Variants in GRM8 observed in about 807,000 individuals in gnomAD.
The protein encoded by GRM8 is metabotropic glutamate receptor 8.
GRM8 carries 47 observed loss-of-function variants against 87.2 expected under a neutral mutation model. That is an observed-to-expected ratio of 0.54 (90% CI 0.43 to 0.69). GRM8 has a LOEUF of 0.69. GRM8 is among the 30% of genes least tolerant of loss of function. GRM8 has a pLI of 0.00. For synonymous variants in GRM8, 396 were observed against 404.5 expected (o/e 0.98, Z 0.25); for missense variants, 1,019 against 1,139.2 (o/e 0.89, Z 1.52).
chr7:126,557,744 T>C (rs1793301013), intron 8 of GRM8, among the ~76,000 whole-genome samples: 1 of 152,128 alleles, frequency 6.6e-6, no homozygotes, highest in African/African-American at 2.4e-5. Flanking sequence ...ACTGTAAAAA[T>C]AGAAATATGG....
chr7:127,030,771 A>AT (rs1216667302), intron 3 of GRM8, among the ~76,000 whole-genome samples: 1 of 152,112 alleles, frequency 6.6e-6, no homozygotes, highest in African/African-American at 2.4e-5. Context: ...TATTTAACCT[A>AT]TTTCGGCCAA....
At chr7:126,692,088 C>T (rs1268817700) in intron 7 of GRM8, among the ~76,000 whole-genome samples, 3 of 152,246 alleles carry the variant, frequency 2.0e-5, no homozygotes, top group South Asian at 2.1e-4. Context: ...AGAAAGAGAA[C>T]TGGAGGGGAA....
chr7:126,476,720 C>T (rs1419021920), intron 9 of GRM8, among the ~76,000 whole-genome samples: 2 of 151,882 alleles, frequency 1.3e-5, no homozygotes, highest in Non-Finnish European at 2.9e-5. Context: ...GTTAGATTGG[C>T]TATTATCCAA....
At chr7:126,787,552 T>C (rs1820749234) in intron 6 of GRM8, among the ~76,000 whole-genome samples, 1 of 152,136 alleles carries the variant, frequency 6.6e-6, no homozygotes, top group Non-Finnish European at 1.5e-5. Context: ...ATGTGAAAAA[T>C]ATTATTAAAT....
At chr7:127,141,894 A>G (rs996604745) in intron 2 of GRM8, among the ~76,000 whole-genome samples, 5 of 152,048 alleles carry the variant, frequency 3.3e-5, no homozygotes, top group African/African-American at 7.2e-5. Flanking sequence ...GCTTCACAAA[A>G]ATAGGACCCA....
chr7:127,196,247 G>A (rs904536722), intron 2 of GRM8, among the ~76,000 whole-genome samples: 14 of 152,208 alleles, frequency 9.2e-5, no homozygotes, highest in Admixed American at 7.9e-4. Flanking sequence ...GCTGGGCACA[G>A]TGGCTCATGC....
At chr7:126,670,798 T>C (rs930002721) in intron 7 of GRM8, among the ~76,000 whole-genome samples, 35 of 152,338 alleles carry the variant, frequency 2.3e-4, no homozygotes, top group Middle Eastern at 3.4e-3. Flanking sequence ...TGATGATCCT[T>C]GCTTTAGTTT....
intron 6 of GRM8, among the ~76,000 whole-genome samples, chr7:126,774,575 A>T (rs997188318): frequency 3.9e-5 from 6 of 152,280 alleles, no homozygotes; most frequent in African/African-American, 1.4e-4. Context: ...ATTGTTTTAC[A>T]TCTTCATTAA....
chr7:126,626,243 G>A (rs1416464825), intron 7 of GRM8, among the ~76,000 whole-genome samples: 1 of 151,992 alleles, frequency 6.6e-6, no homozygotes, highest in Non-Finnish European at 1.5e-5. Context: ...ATTTACAAGA[G>A]TCACATTTAT....
chr7:126,501,044 A>G (rs1809569362), intron 9 of GRM8, among the ~76,000 whole-genome samples: 1 of 152,024 alleles, frequency 6.6e-6, no homozygotes, highest in Non-Finnish European at 1.5e-5. Context: ...CTGCTTACAT[A>G]CAATAATAAA....
chr7:126,469,147 C>T (rs1489697203), intron 9 of GRM8, among the ~76,000 whole-genome samples: 1 of 152,074 alleles, frequency 6.6e-6, no homozygotes, highest in Non-Finnish European at 1.5e-5. Flanking sequence ...CCTCACATAC[C>T]TACATTTTCA....
chr7:127,011,276 T>C (rs1814866904), intron 3 of GRM8, among the ~76,000 whole-genome samples: 1 of 152,130 alleles, frequency 6.6e-6, no homozygotes. Context: ...CCAGAAAAAG[T>C]AGTCAACATT....
chr7:127,151,028 G>T (rs775407040), intron 2 of GRM8, among the ~76,000 whole-genome samples: 1 of 151,986 alleles, frequency 6.6e-6, no homozygotes. Context: ...ATACACATTG[G>T]GTTTTAGCAG....
chr7:127,234,737 G>A (rs1797887740), intron 2 of GRM8, among the ~76,000 whole-genome samples: 1 of 152,166 alleles, frequency 6.6e-6, no homozygotes, highest in Admixed American at 6.5e-5. Flanking sequence ...AGGAACGCGT[G>A]TTTCAACAAG....
intron 9 of GRM8, among the ~76,000 whole-genome samples, chr7:126,453,860 GGGATATGTATAT>G (rs1802922788): frequency 1.3e-5 from 2 of 151,622 alleles, no homozygotes. Flanking sequence ...ATTTTCTACT[GGGATATGTATAT>G]GAAAATTAAT....
At chr7:127,118,510 T>C (rs1273129217) in intron 2 of GRM8, among the ~76,000 whole-genome samples, 2 of 152,212 alleles carry the variant, frequency 1.3e-5, no homozygotes, top group Non-Finnish European at 2.9e-5. Flanking sequence ...TCGTATTCCA[T>C]AATGTGTGCG....
At chr7:126,456,301 A>T (rs1038423421) in intron 9 of GRM8, among the ~76,000 whole-genome samples, 2 of 151,342 alleles carry the variant, frequency 1.3e-5, no homozygotes, top group Admixed American at 6.6e-5. Flanking sequence ...TTCCCAGGTA[A>T]CGTACTGATT....
At chr7:126,967,326 C>T (rs1809978185) in intron 3 of GRM8, among the ~76,000 whole-genome samples, 1 of 152,166 alleles carries the variant, frequency 6.6e-6, no homozygotes, top group Admixed American at 6.5e-5. Flanking sequence ...AGATGAAATT[C>T]TTCCACTTTT....
chr7:126,790,946 G>T (rs779947328), intron 6 of GRM8, among the ~76,000 whole-genome samples: 1 of 152,062 alleles, frequency 6.6e-6, no homozygotes, highest in African/African-American at 2.4e-5. Context: ...TCTTTCCTGC[G>T]GGGCAGTTGG....
Sources: gnomAD v4.1 joint callset for allele counts (sites outside exome capture counted in the v4.1 genomes callset) on GRCh38, gnomAD v4.1.1 for gene constraint, MANE v1.5 for transcripts, NCBI Gene and HGNC (gene_info 2026-07-23, HGNC 2026-07-21) for gene names.